The following ITGA8 variants were observed in gnomAD, a reference collection of about 807,000 sequenced individuals.
ITGA8 encodes integrin subunit alpha 8.
In ITGA8, 91 loss-of-function variants were observed where a neutral mutation model predicts 142.3. That is an observed-to-expected ratio of 0.64 (90% CI 0.54 to 0.76). The LOEUF is 0.76. Ranked by LOEUF, ITGA8 falls within the 30% of genes least tolerant of loss-of-function variation. ITGA8 has a pLI of 0.00. For synonymous variants in ITGA8, 505 were observed against 485.2 expected (o/e 1.04, Z -0.54); for missense variants, 1,406 against 1,327.7 (o/e 1.06, Z -0.92).
chr10:15,537,462 ATTC>A (rs1427219113), intron 27 of ITGA8, among the ~76,000 whole-genome samples: 1 of 152,180 alleles, frequency 6.6e-6, no homozygotes, highest in Non-Finnish European at 1.5e-5. Flanking sequence ...GTTGCTACAG[ATTC>A]TTCTTTTCTG....
chr10:15,575,824 T>C (rs1049971377), intron 23 of ITGA8, among the ~76,000 whole-genome samples: 11 of 152,190 alleles, frequency 7.2e-5, no homozygotes, highest in African/African-American at 2.7e-4. Flanking sequence ...AACTATTTTA[T>C]AGCATCTCAT....
chr10:15,624,232 G>A (rs746127789), intron 13 of ITGA8, among the ~76,000 whole-genome samples: 6 of 152,168 alleles, frequency 3.9e-5, no homozygotes, highest in Non-Finnish European at 5.9e-5. Context: ...GAAACACGGT[G>A]TTGTATGTCA....
intron 25 of ITGA8, among the ~76,000 whole-genome samples, chr10:15,564,864 G>C (rs76269395): frequency 6.6e-6 from 1 of 152,202 alleles, no homozygotes; most frequent in African/African-American, 2.4e-5. Context: ...TAATTAAACC[G>C]AAGTGGAGAC....
chr10:15,713,019 C>T (rs1323255584), intron 2 of ITGA8, among the ~76,000 whole-genome samples: 1 of 152,162 alleles, frequency 6.6e-6, no homozygotes, highest in Admixed American at 6.5e-5. Flanking sequence ...GATCTGTTTC[C>T]CATTTCTAGT....
intron 20 of ITGA8, among the ~76,000 whole-genome samples, chr10:15,597,635 A>G (rs1833031538): frequency 6.6e-6 from 1 of 152,214 alleles, no homozygotes; most frequent in South Asian, 2.1e-4. Flanking sequence ...ATTATTAAAC[A>G]TGAGTAAATA....
chr10:15,644,921 A>G (rs1833950403), intron 12 of ITGA8, among the ~76,000 whole-genome samples: 1 of 151,360 alleles, frequency 6.6e-6, no homozygotes, highest in Non-Finnish European at 1.5e-5. Flanking sequence ...GTAAAACCCC[A>G]TCTCTACTAA....
chr10:15,603,815 A>G (rs1332556643), intron 20 of ITGA8, among the ~76,000 whole-genome samples: 1 of 152,172 alleles, frequency 6.6e-6, no homozygotes, highest in Non-Finnish European at 1.5e-5. Context: ...TTCCCTAACC[A>G]ATAACGAAAA....
At chr10:15,605,678 G>C in intron 19 of ITGA8, 46 bp downstream of exon 19, 1 of 1,464,078 alleles carries the variant, frequency 6.8e-7, no homozygotes. Flanking sequence ...ATAAATACCT[G>C]TAATTCCATT....
intron 4 of ITGA8, among the ~76,000 whole-genome samples, chr10:15,681,863 G>T (rs779936351): frequency 2.0e-5 from 3 of 152,164 alleles, no homozygotes; most frequent in Admixed American, 6.5e-5. Context: ...AAATATTGAT[G>T]AAAAGTTCAA....
intron 25 of ITGA8, among the ~76,000 whole-genome samples, chr10:15,571,629 C>T (rs1250818146): frequency 1.3e-5 from 2 of 152,214 alleles, no homozygotes; most frequent in African/African-American, 4.8e-5. Flanking sequence ...GGCAGAATCT[C>T]AGGTCCAACC....
At chr10:15,560,561 A>G (rs761313530) in intron 25 of ITGA8, among the ~76,000 whole-genome samples, 7 of 152,206 alleles carry the variant, frequency 4.6e-5, no homozygotes, top group Non-Finnish European at 7.3e-5. Context: ...CTGTAGCTTA[A>G]CACTTTGTAG....
Position 15,644,009 on chromosome 10 carries a change from G to A in ITGA8, c.1399+21C>T, listed in dbSNP as rs191336707. ...ATTTCAGGACGTAGACTCTCACGTG[G>A]GAAAAGAAAGAAAACCTTACCTGGG... is the stretch of plus-strand genomic sequence containing the variant. On this transcript the variant is annotated intron_variant, in intron 13 of 29. Transcript: ENST00000378076. The A allele has an allele frequency of 4.4e-6, 7 of 1,600,014 alleles. No homozygotes were observed. In the African/African-American group the frequency reaches 8.1e-5, roughly 18 times the overall value.
intron 27 of ITGA8, among the ~76,000 whole-genome samples, chr10:15,540,133 A>C (rs1435279197): frequency 6.6e-6 from 1 of 152,202 alleles, no homozygotes; most frequent in African/African-American, 2.4e-5. Flanking sequence ...GCAGCATGAA[A>C]ACATACTAAT....
In ITGA8 at chr10:15,644,104, GC is replaced by G; in HGVS notation, c.1324del (p.Ala442ProfsTer13). The G allele has an allele frequency of 6.2e-7, 1 of 1,614,076 alleles. No individual in the cohort carries two copies. The highest frequency in any genetic ancestry group is 1.1e-5 in the South Asian group (1 of 91,058). On this transcript the variant is annotated frameshift_variant, in exon 13 of 30. Transcript: ENST00000378076. LOFTEE classifies it high-confidence loss of function. ...KPSQVLQGVW[A>X]SHAVPSGFGF... ...AAATCCGGAAGGGACAGCATGTGAGGCCCACACTCCTTGCAGAACTTGGGAA... is the reference window on the plus strand; with the variant it reads ...AAATCCGGAAGGGACAGCATGTGAGGCCACACTCCTTGCAGAACTTGGGAA...
chr10:15,571,293 T>C (rs1834178308), intron 25 of ITGA8, among the ~76,000 whole-genome samples: 1 of 152,204 alleles, frequency 6.6e-6, no homozygotes, highest in South Asian at 2.1e-4. Context: ...CTGTCTTGGC[T>C]GGTGGCGTGG....
chr10:15,519,524 T>C (rs976542177), intron 28 of ITGA8, 112 bp from the exon 29 acceptor site: 14 of 1,148,442 alleles, frequency 1.2e-5, no homozygotes, highest in South Asian at 7.7e-5. Context: ...CATATGACAA[T>C]TGAAATCATC....
At chr10:15,646,800 A>G in intron 12 of ITGA8, 46 bp downstream of exon 12, 1 of 1,413,866 alleles carries the variant, frequency 7.1e-7, no homozygotes, top group South Asian at 1.2e-5. Context: ...TCCTTTATGC[A>G]GTGGTGACGA....
intron 19 of ITGA8, among the ~76,000 whole-genome samples, chr10:15,605,387 A>G (rs1340981800): frequency 6.6e-6 from 1 of 151,826 alleles, no homozygotes; most frequent in African/African-American, 2.4e-5. Context: ...GTGTAGATGG[A>G]ACCTGCCTGT....
chr10:15,657,509 C>CTTTCTTTTTTTTTTTTTTT (rs534714654), intron 10 of ITGA8, among the ~76,000 whole-genome samples: 1 of 116,498 alleles, frequency 8.6e-6, no homozygotes, highest in African/African-American at 3.2e-5. Flanking sequence ...TCTTTTCTTT[C>CTTTCTTTTTTTTTTTTTTT]ATTTTTTTTT....
Sources: allele counts gnomAD v4.1 joint callset (sites outside exome capture counted in the v4.1 genomes callset), GRCh38; gene constraint gnomAD v4.1.1; transcripts MANE v1.5; gene names NCBI Gene and HGNC (gene_info 2026-07-23, HGNC 2026-07-21).